Variants in DACH1 observed in about 807,000 individuals in gnomAD.
DACH1 encodes dachshund family transcription factor 1, also known as dachshund homolog 1.
In DACH1, 12 loss-of-function variants were observed where a neutral mutation model predicts 54.2. The observed-to-expected ratio is 0.22, with a 90% CI of 0.14 to 0.36. DACH1 has a LOEUF of 0.36. DACH1 is among the 10% of genes least tolerant of loss of function. The probability of loss-of-function intolerance (pLI) is 1.00; values close to 1 mark genes in which losing one functional copy is unlikely to be tolerated. For missense variants in DACH1, 805 were observed against 929.8 expected (o/e 0.87, Z 1.75); for synonymous variants, 386 against 366.2 (o/e 1.05, Z -0.62).
In DACH1 at chr13:71,567,596, A is replaced by C. The variant is rs1182009882; in HGVS notation, c.1299+5244T>G. Among the ~76,000 whole-genome samples, 2 of 152,162 alleles carry C rather than the reference A, an allele frequency of 1.3e-5. 1 individual carries two copies. Among genetic ancestry groups the C allele is most frequent in the African/African-American group, 4.8e-5 (2 of 41,568 alleles). ...GAGAAAACAAAATAGTAATGAGAAGAAAATAATGTTGGTATATAAAGACTT... is the reference window on the plus strand; with the variant it reads ...GAGAAAACAAAATAGTAATGAGAAGCAAATAATGTTGGTATATAAAGACTT... On this transcript the variant is annotated intron_variant, in intron 4 of 10. Coordinates refer to ENST00000613252, the MANE Select transcript of DACH1 (RefSeq NM_080759.6).
intron 4 of DACH1, 44 bp downstream of exon 4, chr13:71,572,796 C>T (rs752136707): frequency 1.3e-6 from 2 of 1,573,922 alleles, no homozygotes; most frequent in Non-Finnish European, 1.7e-6. Context: ...GGGATGGTGG[C>T]TTAAGATGAA....
chr13:71,818,832 T>C (rs1888069465), intron 1 of DACH1, among the ~76,000 whole-genome samples: 1 of 152,204 alleles, frequency 6.6e-6, no homozygotes, highest in African/African-American at 2.4e-5. Flanking sequence ...TCTGTGTCTA[T>C]CAATATATAG....
At chr13:71,487,959 A>T (rs1312795700) in intron 7 of DACH1, among the ~76,000 whole-genome samples, 2 of 152,168 alleles carry the variant, frequency 1.3e-5, no homozygotes, top group Non-Finnish European at 2.9e-5. Flanking sequence ...ATGATTTTCA[A>T]TTACTGAGTT....
chr13:71,581,367 C>T (rs940281952), intron 3 of DACH1, among the ~76,000 whole-genome samples: 1 of 152,086 alleles, frequency 6.6e-6, no homozygotes, highest in Non-Finnish European at 1.5e-5. Flanking sequence ...TGGGTTCAAG[C>T]GATTCTTCTG....
chr13:71,594,876 G>A (rs973888380), intron 3 of DACH1, among the ~76,000 whole-genome samples: 1 of 152,088 alleles, frequency 6.6e-6, no homozygotes, highest in African/African-American at 2.4e-5. Flanking sequence ...GATTAGCAAT[G>A]AGCAAAGTGG....
chr13:71,672,176 T>C (rs1241388771), intron 2 of DACH1, among the ~76,000 whole-genome samples: 1 of 152,176 alleles, frequency 6.6e-6, no homozygotes. Flanking sequence ...CTATTAAGCT[T>C]AGGTTTATAT....
At chr13:71,455,347 G>A (rs903070395) in intron 10 of DACH1, among the ~76,000 whole-genome samples, 1 of 151,884 alleles carries the variant, frequency 6.6e-6, no homozygotes, top group African/African-American at 2.4e-5. Context: ...TATATAGACA[G>A]ATAGATATAG....
rs1180441350 is a variant in DACH1 at position 71,821,913 on chromosome 13, T to G, written c.848+44009A>C. On this transcript the variant is annotated intron_variant, in intron 1 of 10. Transcript: ENST00000613252. ...CTGTCTCTACTAAAAATACAAAAATTATCTGGGCGTGGCGGTGTGTGCCTG... is the reference window on the plus strand; with the variant it reads ...CTGTCTCTACTAAAAATACAAAAATGATCTGGGCGTGGCGGTGTGTGCCTG... 3.3e-5 allele frequency among the ~76,000 whole-genome samples: 5 copies of G among 151,980 alleles called. No homozygotes were observed. In the East Asian group the frequency reaches 9.7e-4, roughly 30 times the overall value.
intron 1 of DACH1, among the ~76,000 whole-genome samples, chr13:71,825,940 C>T (rs1888360514): frequency 6.6e-6 from 1 of 152,062 alleles, no homozygotes; most frequent in Non-Finnish European, 1.5e-5. Flanking sequence ...AGCCCCTAGT[C>T]TAACATCTGG....
In DACH1 at chr13:71,668,832, G is replaced by A. The variant is rs149824153; in HGVS notation, c.964+12963C>T. On this transcript the variant is annotated intron_variant, in intron 2 of 10. Transcript: ENST00000613252. ...CCCAGCTACTCCAGAGGCTGAGGCA[G>A]GAGAATTGCTTGAACCCAGGAGGCA... Among the ~76,000 whole-genome samples, 1,414 of 152,056 alleles carry A rather than the reference G, an allele frequency of 9.3e-3. 21 individuals are homozygous for A. Among genetic ancestry groups the A allele is most frequent in the African/African-American group, 0.031 (1,300 of 41,476 alleles).
intron 6 of DACH1, among the ~76,000 whole-genome samples, chr13:71,533,015 C>A (rs1447958301): frequency 6.6e-6 from 1 of 151,530 alleles, no homozygotes; most frequent in Non-Finnish European, 1.5e-5. Context: ...TGATTAGAGA[C>A]AACTATTCAG....
chr13:71,779,877 A>G (rs561847535), intron 1 of DACH1, among the ~76,000 whole-genome samples: 1 of 152,198 alleles, frequency 6.6e-6, no homozygotes, highest in African/African-American at 2.4e-5. Flanking sequence ...AGAATTATGC[A>G]GACTTATTTC....
At chr13:71,529,051 A>G (rs1336827514) in intron 6 of DACH1, among the ~76,000 whole-genome samples, 1 of 152,170 alleles carries the variant, frequency 6.6e-6, no homozygotes, top group African/African-American at 2.4e-5. Context: ...TATATTTACC[A>G]AAAGTGAAAC....
intron 3 of DACH1, among the ~76,000 whole-genome samples, chr13:71,580,070 T>G (rs1163381545): frequency 1.3e-5 from 2 of 152,248 alleles, no homozygotes; most frequent in East Asian, 3.9e-4. Flanking sequence ...TCAGTGGAAA[T>G]GAGACTGAAA....
chr13:71,812,014 C>A (rs1003662137), intron 1 of DACH1, among the ~76,000 whole-genome samples: 3 of 152,090 alleles, frequency 2.0e-5, no homozygotes, highest in Non-Finnish European at 4.4e-5. Context: ...AACTGACTTA[C>A]AAATTAAAAT....
At chr13:71,820,105 GAAAAAAAAAA>G in intron 1 of DACH1, among the ~76,000 whole-genome samples, 1 of 54,138 alleles carries the variant, frequency 1.8e-5, no homozygotes, top group East Asian at 6.6e-4. Context: ...TGCCTCTACC[GAAAAAAAAAA>G]AAAAAAAAAA....
chr13:71,622,681 G>C (rs1414960281), intron 3 of DACH1, among the ~76,000 whole-genome samples: 1 of 151,646 alleles, frequency 6.6e-6, no homozygotes, highest in East Asian at 1.9e-4. Flanking sequence ...CATCCTCCTG[G>C]AATGTAATGG....
intron 1 of DACH1, among the ~76,000 whole-genome samples, chr13:71,732,885 T>C (rs972182113): frequency 6.6e-6 from 1 of 152,134 alleles, no homozygotes; most frequent in Non-Finnish European, 1.5e-5. Flanking sequence ...AGCATGACAC[T>C]GGAATGTCTT....
At chr13:71,798,425 G>A (rs1385303241) in intron 1 of DACH1, among the ~76,000 whole-genome samples, 6 of 147,130 alleles carry the variant, frequency 4.1e-5, no homozygotes, top group African/African-American at 1.0e-4. Flanking sequence ...TACTTAAGGT[G>A]CATTCATACA....
Sources: allele counts gnomAD v4.1 joint callset (sites outside exome capture counted in the v4.1 genomes callset), GRCh38; gene constraint gnomAD v4.1.1; transcripts MANE v1.5; gene names NCBI Gene and HGNC (gene_info 2026-07-23, HGNC 2026-07-21).